Variants in MAGI2 observed in about 807,000 individuals in gnomAD.
The protein encoded by MAGI2 is membrane associated guanylate kinase, WW and PDZ domain containing 2.
Under a neutral mutation model 133.3 loss-of-function variants are expected in MAGI2, and 35 were observed. The observed-to-expected ratio is 0.26, with a 90% CI of 0.20 to 0.35. MAGI2 has a LOEUF of 0.35. MAGI2 is among the 10% of genes least tolerant of loss of function. The pLI, the probability that MAGI2 is intolerant of heterozygous loss-of-function variation, is 1.00. For synonymous variants in MAGI2, 729 were observed against 710.6 expected, an observed-to-expected ratio of 1.03 and a Z score of -0.41; for missense variants, 1,636 against 1,863.4, an observed-to-expected ratio of 0.88 and a Z score of 2.25.
At chr7:78,511,282 T>G (rs1795536950) in intron 4 of MAGI2, among the ~76,000 whole-genome samples, 1 of 151,908 alleles carries the variant, frequency 6.6e-6, no homozygotes, top group South Asian at 2.1e-4. Flanking sequence ...AATTGATTTT[T>G]CATCGTGGCT....
intron 1 of MAGI2, among the ~76,000 whole-genome samples, chr7:79,355,069 T>C (rs1252477631): frequency 2.0e-5 from 3 of 152,200 alleles, no homozygotes; most frequent in Non-Finnish European, 2.9e-5. Context: ...CAGCCTGGCC[T>C]TCAGGGCTGC....
intron 3 of MAGI2, among the ~76,000 whole-genome samples, chr7:78,529,999 C>T (rs934202983): frequency 2.0e-5 from 3 of 152,054 alleles, no homozygotes; most frequent in South Asian, 2.1e-4. Flanking sequence ...TTACAGCACA[C>T]CTTAATTGGG....
chr7:79,006,164 C>A (rs1225639096), intron 2 of MAGI2, among the ~76,000 whole-genome samples: 1 of 152,104 alleles, frequency 6.6e-6, no homozygotes, highest in African/African-American at 2.4e-5. Context: ...GGTGGTTCAA[C>A]CCTACATAAT....
intron 2 of MAGI2, among the ~76,000 whole-genome samples, chr7:78,648,926 A>C (rs1008888300): frequency 6.6e-6 from 1 of 152,156 alleles, no homozygotes; most frequent in Admixed American, 6.6e-5. Context: ...GTTACATTGC[A>C]GGTCTACAAC....
intron 1 of MAGI2, among the ~76,000 whole-genome samples, chr7:79,389,174 C>T (rs1031599104): frequency 6.6e-6 from 1 of 151,786 alleles, no homozygotes; most frequent in Non-Finnish European, 1.5e-5. Context: ...ATCCACATAT[C>T]CTTAATTAAT....
intron 3 of MAGI2, among the ~76,000 whole-genome samples, chr7:78,566,413 A>C (rs1047821911): frequency 6.6e-6 from 1 of 152,124 alleles, no homozygotes; most frequent in African/African-American, 2.4e-5. Context: ...AAAATGCTTG[A>C]AAAATATGCC....
chr7:78,973,117 T>C (rs1803932750), intron 2 of MAGI2, among the ~76,000 whole-genome samples: 2 of 151,936 alleles, frequency 1.3e-5, no homozygotes, highest in Non-Finnish European at 2.9e-5. Context: ...CTGATTGTCA[T>C]AAGGCTTCCC....
chr7:78,380,656 T>C (rs1293727707), intron 6 of MAGI2, among the ~76,000 whole-genome samples: 2 of 152,048 alleles, frequency 1.3e-5, no homozygotes, highest in African/African-American at 2.4e-5. Flanking sequence ...TTAGATAGAA[T>C]GAATAAGATT....
intron 6 of MAGI2, among the ~76,000 whole-genome samples, chr7:78,473,095 A>G (rs1204018800): frequency 6.6e-6 from 1 of 152,096 alleles, no homozygotes; most frequent in Non-Finnish European, 1.5e-5. Flanking sequence ...AACAATTGAC[A>G]TCTGTGAAAG....
At position 79,023,688 on chromosome 7, in the gene MAGI2, A is replaced by G. The variant is rs569990994; in HGVS notation, c.302-16482T>C. ...AAATCAGTAGCATTCCTATACACCAACAACATCCAAGCTGAGAGCCAAATT... is the reference window on the plus strand; with the variant it reads ...AAATCAGTAGCATTCCTATACACCAGCAACATCCAAGCTGAGAGCCAAATT... On this transcript the variant is annotated intron_variant, in intron 1 of 21. Transcript: ENST00000354212. Among the ~76,000 whole-genome samples, 182 of 152,268 alleles carry G rather than the reference A, an allele frequency of 1.2e-3. 1 individual carries two copies. The South Asian group carries it at 0.014, about 12-fold the overall frequency.
chr7:78,536,401 C>T (rs918040566), intron 3 of MAGI2, among the ~76,000 whole-genome samples: 6 of 151,824 alleles, frequency 4.0e-5, no homozygotes, highest in Non-Finnish European at 5.9e-5. Context: ...CGTGAGCCAC[C>T]GCGCCCGGCC....
At chr7:78,640,048 G>A (rs1283948838) in intron 2 of MAGI2, among the ~76,000 whole-genome samples, 1 of 152,082 alleles carries the variant, frequency 6.6e-6, no homozygotes, top group Non-Finnish European at 1.5e-5. Context: ...CAGCCCCATG[G>A]CCTAGATCCA....
At chr7:79,381,721 T>C (rs1274563209) in intron 1 of MAGI2, among the ~76,000 whole-genome samples, 2 of 151,720 alleles carry the variant, frequency 1.3e-5, no homozygotes, top group African/African-American at 4.8e-5. Flanking sequence ...AGGTGAAGAC[T>C]AAACAAGATA....
At chr7:78,225,899 G>A (rs1014098338) in intron 10 of MAGI2, among the ~76,000 whole-genome samples, 1 of 152,146 alleles carries the variant, frequency 6.6e-6, no homozygotes, top group Admixed American at 6.5e-5. Flanking sequence ...CTTTGCTCCT[G>A]CAGCCACATT....
At chr7:79,017,109 G>A (rs1287866908) in intron 1 of MAGI2, among the ~76,000 whole-genome samples, 2 of 152,216 alleles carry the variant, frequency 1.3e-5, no homozygotes, top group African/African-American at 4.8e-5. Flanking sequence ...CACTGCCGCT[G>A]CTGCTGGCAC....
intron 6 of MAGI2, among the ~76,000 whole-genome samples, chr7:78,372,799 T>A (rs919028200): frequency 1.4e-4 from 22 of 152,304 alleles, no homozygotes; most frequent in Non-Finnish European, 2.1e-4. Flanking sequence ...CTATATTTTT[T>A]AAATTTAATT....
intron 2 of MAGI2, among the ~76,000 whole-genome samples, chr7:78,852,446 A>G (rs1367641396): frequency 6.6e-6 from 1 of 152,052 alleles, no homozygotes; most frequent in Non-Finnish European, 1.5e-5. Context: ...TTTATGAAAC[A>G]TTTCCATACC....
At chr7:78,593,096 C>T (rs928186740) in intron 3 of MAGI2, among the ~76,000 whole-genome samples, 44 of 150,344 alleles carry the variant, frequency 2.9e-4, no homozygotes, top group Non-Finnish European at 4.9e-4. Flanking sequence ...GCTAGGATTA[C>T]GGGCGTGAAC....
intron 2 of MAGI2, among the ~76,000 whole-genome samples, chr7:78,669,566 T>C (rs984094630): frequency 6.6e-6 from 1 of 152,146 alleles, no homozygotes; most frequent in African/African-American, 2.4e-5. Context: ...CCCTAACTCA[T>C]TTTATGAGGC....
Sources: allele counts gnomAD v4.1 joint callset (sites outside exome capture counted in the v4.1 genomes callset), GRCh38; gene constraint gnomAD v4.1.1; transcripts MANE v1.5; gene names NCBI Gene and HGNC (gene_info 2026-07-23, HGNC 2026-07-21).